The following LDAH variants were observed in gnomAD, a reference collection of about 807,000 sequenced individuals.
The protein encoded by LDAH is lipid droplet associated hydrolase.
LDAH carries 26 observed loss-of-function variants against 29.6 expected under a neutral mutation model. The ratio of observed to expected loss-of-function variants is 0.88; its 90% confidence interval spans 0.64 to 1.22. LDAH has a LOEUF of 1.22. Among genes scored for constraint, LDAH ranks in the 50% most tolerant of loss-of-function variants. LDAH has a pLI of 0.00. For synonymous variants in LDAH, 117 were observed against 133.0 expected, an observed-to-expected ratio of 0.88 and a Z score of 0.83; for missense variants, 344 against 387.3, an observed-to-expected ratio of 0.89 and a Z score of 0.94.
chr2:20,711,384 CAAAAAAAAAAAAA>C (rs563372762), intron 5 of LDAH, among the ~76,000 whole-genome samples: 1 of 106,436 alleles, frequency 9.4e-6, no homozygotes, highest in Non-Finnish European at 2.0e-5. Context: ...GAGTCCGTAT[CAAAAAAAAAAAAA>C]AAGAGTAGAG....
At chr2:20,757,667 T>C (rs532089881) in intron 4 of LDAH, among the ~76,000 whole-genome samples, 1 of 152,342 alleles carries the variant, frequency 6.6e-6, no homozygotes, top group South Asian at 2.1e-4. Flanking sequence ...AATGGTACAC[T>C]GAGTAAAGCA....
In LDAH at chr2:20,698,375, G is replaced by A. The variant is rs749569598; in HGVS notation, c.786+3195C>T. On this transcript the variant is annotated intron_variant, in intron 6 of 6. Transcript: ENST00000237822. This position sits in a 1 kb window ranked among gnomAD's most constrained non-coding sequence, Gnocchi z 4.4. Reference sequence around the variant, plus strand: ...GCCTCTTGGGGATGACACTAGACAAGCAGGATTTAGTCAAATGACAAAATA... The same window carrying A: ...GCCTCTTGGGGATGACACTAGACAAACAGGATTTAGTCAAATGACAAAATA... 2.6e-5 allele frequency among the ~76,000 whole-genome samples: 4 copies of A among 152,202 alleles called. No individual in the cohort carries two copies. The highest frequency in any genetic ancestry group is 4.8e-5 in the African/African-American group (2 of 41,442).
chr2:20,730,963 C>T (rs2149420566), intron 5 of LDAH, among the ~76,000 whole-genome samples: 1 of 152,324 alleles, frequency 6.6e-6, no homozygotes, highest in South Asian at 2.1e-4. Context: ...ATAAATCTTG[C>T]AACCAGACAG....
chr2:20,765,383 T>C (rs1668959952), intron 4 of LDAH, among the ~76,000 whole-genome samples: 1 of 152,204 alleles, frequency 6.6e-6, no homozygotes, highest in South Asian at 2.1e-4. Context: ...CCTTGTCCCA[T>C]TATTTCACTA....
chr2:20,686,684 C>T lies in LDAH; in HGVS notation c.*219G>A, dbSNP rs1201743489. ...AGACTCTGTGTAGATCACTGTGTTC[C>T]CTGAGTCTTGGAAAATGTATGGTTA... On this transcript the variant is annotated 3_prime_UTR_variant, in exon 7 of 7. Transcript: ENST00000237822. 3 of 340,578 alleles carry T rather than the reference C, an allele frequency of 8.8e-6. No homozygotes were observed. Among genetic ancestry groups the T allele is most frequent in the Non-Finnish European group, 1.6e-5 (3 of 190,740 alleles). The allele number at this position is 340,578 out of a possible 1,614,324, so 21.1% of individuals were successfully genotyped here.
chr2:20,770,620 C>G (rs566406704), intron 4 of LDAH, among the ~76,000 whole-genome samples: 1 of 152,276 alleles, frequency 6.6e-6, no homozygotes, highest in African/African-American at 2.4e-5. Flanking sequence ...TCTCCCCCCA[C>G]CCCAACACAC....
chr2:20,710,627 T>TATAG (rs1558399258), intron 5 of LDAH, among the ~76,000 whole-genome samples: 1 of 139,234 alleles, frequency 7.2e-6, no homozygotes, highest in African/African-American at 2.6e-5. Context: ...TATAGATATA[T>TATAG]ATATATAGAT....
intron 4 of LDAH, among the ~76,000 whole-genome samples, chr2:20,766,269 C>T (rs115643825): frequency 0.017 from 2,531 of 152,246 alleles, 50 homozygotes; most frequent in Non-Finnish European, 0.021. Context: ...CACAAACAGA[C>T]GCTTCCATTC....
intron 5 of LDAH, among the ~76,000 whole-genome samples, chr2:20,706,497 C>T (rs780219829): frequency 5.9e-5 from 9 of 152,152 alleles, no homozygotes; most frequent in South Asian, 4.1e-4. Context: ...TCTGTCTTTT[C>T]GCTACCTTGC....
At chr2:20,818,539 C>T (rs1054931539) in intron 1 of LDAH, among the ~76,000 whole-genome samples, 2 of 151,842 alleles carry the variant, frequency 1.3e-5, no homozygotes, top group African/African-American at 4.8e-5. Flanking sequence ...CTAACTTGAT[C>T]ACCATCTAGC....
At chr2:20,802,287 T>C (rs1281144634) in intron 1 of LDAH, among the ~76,000 whole-genome samples, 1 of 152,038 alleles carries the variant, frequency 6.6e-6, no homozygotes, top group Non-Finnish European at 1.5e-5. Flanking sequence ...CTTGAACCCC[T>C]GATCTCAGAT....
At chr2:20,785,163 G>A (rs1180531555) in intron 3 of LDAH, among the ~76,000 whole-genome samples, 3 of 152,086 alleles carry the variant, frequency 2.0e-5, no homozygotes, top group Admixed American at 2.0e-4. Context: ...TCTTTATACA[G>A]ATTTGAGTTT....
rs561287840 is a variant in LDAH, at chr2:20,725,178, T to C, written c.703+14793A>G. Among the ~76,000 whole-genome samples the C allele has an allele frequency of 4.6e-5, 7 of 152,276 alleles. No homozygotes were observed. The South Asian group carries it at 1.5e-3, about 32-fold the overall frequency. ...TTTCTTAAAGTACTCATGAAAAGGT[T>C]TGACAGGTTAGGAAAAGGCTTTGGT... is the stretch of plus-strand genomic sequence containing the variant. On this transcript the variant is annotated intron_variant, in intron 5 of 6. Coordinates refer to ENST00000237822, the MANE Select transcript of LDAH (RefSeq NM_021925.4).
At chr2:20,715,304 G>A (rs1376201010) in intron 5 of LDAH, among the ~76,000 whole-genome samples, 1 of 152,160 alleles carries the variant, frequency 6.6e-6, no homozygotes, top group East Asian at 1.9e-4. Context: ...AATAGATGCG[G>A]AAAAGGCCTT....
chr2:20,784,586 TA>T (rs1465459235), intron 3 of LDAH, among the ~76,000 whole-genome samples: 2 of 152,012 alleles, frequency 1.3e-5, no homozygotes, highest in Non-Finnish European at 2.9e-5. Flanking sequence ...TTATACTTAT[TA>T]AAAAAATTTT....
chr2:20,743,348 G>T, intron 4 of LDAH, among the ~76,000 whole-genome samples: 1 of 139,564 alleles, frequency 7.2e-6, no homozygotes, highest in East Asian at 2.0e-4. Flanking sequence ...AAGTTTTAGG[G>T]TACATGTGCA....
chr2:20,792,718 A>T (rs1444268898), intron 2 of LDAH, among the ~76,000 whole-genome samples: 2 of 152,196 alleles, frequency 1.3e-5, no homozygotes, highest in Admixed American at 1.3e-4. Context: ...GGAGACACTA[A>T]AGATAACCCC....
intron 6 of LDAH, among the ~76,000 whole-genome samples, chr2:20,699,719 G>A (rs755622205): frequency 1.3e-5 from 2 of 152,154 alleles, no homozygotes; most frequent in Non-Finnish European, 2.9e-5. Flanking sequence ...CTGTGACTGT[G>A]TGTTAATACT....
intron 1 of LDAH, among the ~76,000 whole-genome samples, chr2:20,821,110 G>A (rs1673250962): frequency 6.6e-6 from 1 of 152,164 alleles, no homozygotes; most frequent in South Asian, 2.1e-4. Context: ...AAAAAGTCAG[G>A]AAACAACAGG....
Sources: allele counts gnomAD v4.1 joint callset (sites outside exome capture counted in the v4.1 genomes callset), GRCh38; gene constraint gnomAD v4.1.1; non-coding constraint Gnocchi (gnomAD v3.1); transcripts MANE v1.5; gene names NCBI Gene and HGNC (gene_info 2026-07-23, HGNC 2026-07-21).